ALLC: variants seen among roughly 807,000 people sequenced by gnomAD.
ALLC encodes the protein probable inactive allantoicase.
Under a neutral mutation model 45.0 loss-of-function variants are expected in ALLC, and 40 were observed. The ratio of observed to expected loss-of-function variants is 0.89; its 90% confidence interval spans 0.69 to 1.16. The LOEUF (loss-of-function observed/expected upper bound fraction) is 1.16, where lower values mean the gene tolerates loss of function less well. Among genes scored for constraint, ALLC ranks in the 50% most tolerant of loss-of-function variants. ALLC has a pLI of 0.00. For missense variants in ALLC, 488 were observed against 493.1 expected (o/e 0.99, Z 0.10); for synonymous variants, 176 against 178.1 (o/e 0.99, Z 0.09).
At chr2:3,702,308 C>A in intron 11 of ALLC, 55 bp from the exon 12 acceptor site, 1 of 1,520,846 alleles carries the variant, frequency 6.6e-7, no homozygotes, top group Non-Finnish European at 9.0e-7. Context: ...TGGGCTCATT[C>A]GGCCACACAT....
At chr2:3,657,405 G>C (rs1666468374), upstream of ALLC, among the ~76,000 whole-genome samples, 2 of 152,204 alleles carry the variant, frequency 1.3e-5, no homozygotes, top group Admixed American at 1.3e-4. Flanking sequence ...CTGGGACGCA[G>C]GTTGTCTTTC....
chr2:3,696,360 A>G lies in ALLC; in HGVS notation c.741+12A>G. ...CACCAATATTAGAAGTAAGAAGTTA[A>G]AAATAACTATGGTTTAAAGTTTTTC... is the stretch of plus-strand genomic sequence containing the variant. On this transcript the variant is annotated intron_variant, in intron 9 of 11. Transcript: ENST00000252505. 1 of 1,601,142 alleles carries G rather than the reference A, an allele frequency of 6.2e-7. No homozygotes were observed. The highest frequency in any genetic ancestry group is 2.2e-5 in the East Asian group (1 of 44,830).
At chr2:3,649,720 C>G in the ALLC span, among the ~76,000 whole-genome samples, 1 of 152,248 alleles carries the variant, frequency 6.6e-6, no homozygotes, top group African/African-American at 2.4e-5. Context: ...GGACGCTGTC[C>G]CATCGCAGGG....
rs752643544 is a variant in ALLC, at chr2:3,695,763, CTG to C, written c.559_560del (p.Trp187AspfsTer4). 5.6e-6 allele frequency: 9 copies of C among 1,613,900 alleles called. No homozygotes were observed. The African/African-American group carries it at 1.2e-4, about 22-fold the overall frequency. On this transcript the variant is annotated frameshift_variant, in exon 8 of 12. Coordinates refer to ENST00000252505, the MANE Select transcript of ALLC (RefSeq NM_018436.4). LOFTEE classifies it high-confidence loss of function. Reference sequence around the variant, plus strand: ...GAGTATTCGGTACTGGACAAAAAGACTGGACTGCAACTGACCCCAAAGAACCT... The same window carrying C: ...GAGTATTCGGTACTGGACAAAAAGACGACTGCAACTGACCCCAAAGAACCT... ...LRVFGTGQKD[W>X]TATDPKEPAD... is the part of the protein sequence containing the mutation.
intron 9 of ALLC, 57 bp from the exon 10 acceptor site, chr2:3,697,291 C>A: frequency 1.5e-6 from 2 of 1,370,054 alleles, no homozygotes; most frequent in East Asian, 4.6e-5. Context: ...GTTTTCGGGA[C>A]TGGTTTCTTG....
At chr2:3,654,420 G>A (rs1666397931), upstream of ALLC, among the ~76,000 whole-genome samples, 1 of 152,262 alleles carries the variant, frequency 6.6e-6, no homozygotes, top group Admixed American at 6.5e-5. Context: ...GTTGCACTGG[G>A]TGGTCCTGCT....
At chr2:3,662,618 T>C (rs1452445488) in intron 1 of ALLC, among the ~76,000 whole-genome samples, 1 of 152,212 alleles carries the variant, frequency 6.6e-6, no homozygotes, top group East Asian at 1.9e-4. Flanking sequence ...ATTTTACAAA[T>C]GTATTGGGTA....
intron 1 of ALLC, among the ~76,000 whole-genome samples, chr2:3,664,910 C>A (rs1473962487): frequency 6.6e-6 from 1 of 151,402 alleles, no homozygotes; most frequent in African/African-American, 2.4e-5. Flanking sequence ...ACCAAAACCC[C>A]CCCCCAAACC....
chr2:3,669,278 C>T (rs1666803640), intron 1 of ALLC, among the ~76,000 whole-genome samples: 2 of 152,092 alleles, frequency 1.3e-5, no homozygotes, highest in Non-Finnish European at 2.9e-5. Context: ...TGGAGACCAT[C>T]CTGGCCAGCA....
chr2:3,677,857 G>C (rs564030501), intron 3 of ALLC, among the ~76,000 whole-genome samples: 1 of 152,332 alleles, frequency 6.6e-6, no homozygotes, highest in African/African-American at 2.4e-5. Context: ...CGATTTCTGA[G>C]CATCCACGCT....
chr2:3,701,494 T>C lies in ALLC; in HGVS notation c.851-18T>C, dbSNP rs11689171. 0.33 allele frequency: 513,494 copies of C among 1,565,652 alleles called. 86,205 individuals carry two copies. The highest frequency in any genetic ancestry group is 0.44 in the Middle Eastern group (2,629 of 5,938). ...TGCAAATGCGGGCAGAAAATCACGCTGTGTTTTGCTCCAACAGGCAATGCT... is the reference window on the plus strand; with the variant it reads ...TGCAAATGCGGGCAGAAAATCACGCCGTGTTTTGCTCCAACAGGCAATGCT... On this transcript the variant is annotated intron_variant, in intron 10 of 11. Coordinates refer to ENST00000252505, the MANE Select transcript of ALLC (RefSeq NM_018436.4).
At chr2:3,657,335 T>TC (rs1351035190), upstream of ALLC, among the ~76,000 whole-genome samples, 6 of 152,258 alleles carry the variant, frequency 3.9e-5, no homozygotes, top group East Asian at 1.2e-3. Context: ...AGAAGGCCGG[T>TC]CAGGCCCTGG....
At chr2:3,650,970 C>T in the ALLC span, among the ~76,000 whole-genome samples, 1 of 152,276 alleles carries the variant, frequency 6.6e-6, no homozygotes, top group Non-Finnish European at 1.5e-5. Context: ...GAGGAGGAGA[C>T]CTATTGTGTA....
In ALLC at chr2:3,679,888, C is replaced by G; in HGVS notation, c.192C>G (p.Leu64=). ...GCGCAGGTCACGACTGGTGTGTCCT[C>G]AGGCTGGGGATCCAAGGAGTCATCC... is the stretch of plus-strand genomic sequence containing the variant. ...KRIPGHDWCV[L]RLGIQGVIRG... is the part of the protein sequence containing the mutation. The change falls in exon 5 of 12, where the codon CTC becomes CTG. Residue 64 remains leucine, a synonymous_variant. Coordinates refer to ENST00000252505, the MANE Select transcript of ALLC (RefSeq NM_018436.4). 1 of 1,613,946 alleles carries G rather than the reference C, an allele frequency of 6.2e-7. No individual in the cohort carries two copies. Among genetic ancestry groups the G allele is most frequent in the Admixed American group, 1.7e-5 (1 of 60,026 alleles).
At chr2:3,689,972 A>G (rs1667430403) in intron 7 of ALLC, among the ~76,000 whole-genome samples, 1 of 138,420 alleles carries the variant, frequency 7.2e-6, no homozygotes, top group Admixed American at 7.2e-5. Context: ...ACAGTCTTTG[A>G]TTTGTAGTCT....
intron 7 of ALLC, among the ~76,000 whole-genome samples, chr2:3,686,433 G>T (rs943837739): frequency 6.6e-6 from 1 of 150,674 alleles, no homozygotes; most frequent in South Asian, 2.1e-4. Context: ...GTTATTCAGG[G>T]TCTTTCATTT....
intron 2 of ALLC, among the ~76,000 whole-genome samples, chr2:3,671,573 A>G (rs1666870121): frequency 6.7e-6 from 1 of 150,206 alleles, no homozygotes; most frequent in Non-Finnish European, 1.5e-5. Context: ...GGCTCTGGTT[A>G]GATGGGAGGT....
intron 1 of ALLC, among the ~76,000 whole-genome samples, chr2:3,666,123 G>A (rs927945048): frequency 3.9e-5 from 6 of 152,156 alleles, no homozygotes; most frequent in African/African-American, 9.7e-5. Flanking sequence ...CAGGGAAGCC[G>A]ATCAATACAG....
At chr2:3,650,109 G>A in the ALLC span, among the ~76,000 whole-genome samples, 3 of 152,244 alleles carry the variant, frequency 2.0e-5, no homozygotes, top group African/African-American at 7.2e-5. Flanking sequence ...GATTCTTGCA[G>A]AAAACAAGAG....
Sources: gnomAD v4.1 joint callset for allele counts (sites outside exome capture counted in the v4.1 genomes callset) on GRCh38, gnomAD v4.1.1 for gene constraint, MANE v1.5 for transcripts, NCBI Gene and HGNC (gene_info 2026-07-23, HGNC 2026-07-21) for gene names.